Variants in RIMS1 observed in about 807,000 individuals in gnomAD.
RIMS1 encodes the protein regulating synaptic membrane exocytosis 1.
Under a neutral mutation model 214.1 loss-of-function variants are expected in RIMS1, and 83 were observed. The ratio of observed to expected loss-of-function variants is 0.39; its 90% confidence interval spans 0.32 to 0.47. The LOEUF (loss-of-function observed/expected upper bound fraction) is 0.47, where lower values mean the gene tolerates loss of function less well. RIMS1 is among the 20% of genes least tolerant of loss of function. The pLI, the probability that RIMS1 is intolerant of heterozygous loss-of-function variation, is 0.99. For missense variants in RIMS1, 2,050 were observed against 2,161.8 expected (o/e 0.95, Z 1.03); for synonymous variants, 793 against 786.8 (o/e 1.01, Z -0.13).
chr6:71,911,648 C>G (rs1380518948), intron 1 of RIMS1, among the ~76,000 whole-genome samples: 2 of 152,100 alleles, frequency 1.3e-5, no homozygotes, highest in Non-Finnish European at 2.9e-5. Flanking sequence ...TACTGTTGTT[C>G]TCACAAAATC....
chr6:72,007,225 G>C (rs1488422451), intron 2 of RIMS1, among the ~76,000 whole-genome samples: 1 of 152,190 alleles, frequency 6.6e-6, no homozygotes, highest in African/African-American at 2.4e-5. Context: ...GTCTGGAGTG[G>C]ACCTCCAGCA....
rs976347720 is a variant in RIMS1 at position 72,155,838 on chromosome 6, A to G, written c.472-23737A>G. Among the ~76,000 whole-genome samples, 34 of 140,662 alleles carry G rather than the reference A, an allele frequency of 2.4e-4. 10 individuals are homozygous for G. Among genetic ancestry groups the G allele is most frequent in the Non-Finnish European group, 6.5e-5 (4 of 61,872 alleles). The allele number at this position is 140,662 out of a possible 152,430, so 92.3% of individuals were successfully genotyped here. ...CAAGATGAGATGTGGGTGGGGACAC[A>G]GAGCCAAACCATATCACTGGCCCGT... is the stretch of plus-strand genomic sequence containing the variant. On this transcript the variant is annotated intron_variant, in intron 4 of 33. Coordinates refer to ENST00000521978, the MANE Select transcript of RIMS1 (RefSeq NM_014989.7).
At chr6:71,949,343 T>C (rs1244814353) in intron 1 of RIMS1, among the ~76,000 whole-genome samples, 1 of 152,092 alleles carries the variant, frequency 6.6e-6, no homozygotes, top group Non-Finnish European at 1.5e-5. Flanking sequence ...CTCTTCTTTC[T>C]CCAACAATGG....
chr6:72,311,688 A>G (rs2154292908), intron 27 of RIMS1, among the ~76,000 whole-genome samples: 1 of 152,310 alleles, frequency 6.6e-6, no homozygotes, highest in East Asian at 1.9e-4. Flanking sequence ...TCTTTTATCA[A>G]CACATACACA....
chr6:72,160,580 G>A lies in RIMS1; in HGVS notation c.472-18995G>A, dbSNP rs1441866605. On this transcript the variant is annotated intron_variant, in intron 4 of 33. Transcript: ENST00000521978. ...CCCATCAATACCTAATTTATTGAGA[G>A]TTTTTAGCATGAAGGGCTGTTGAAT... Among the ~76,000 whole-genome samples the A allele has an allele frequency of 2.9e-5, 4 of 140,216 alleles. 1 individual carries two copies. The highest frequency in any genetic ancestry group is 4.9e-5 in the African/African-American group (2 of 40,544). The allele number at this position is 140,216 out of a possible 152,430, so 92.0% of individuals were successfully genotyped here. A position where few individuals can be genotyped will look rare whatever the true frequency, so the allele number is the denominator to read the frequency against.
intron 29 of RIMS1, among the ~76,000 whole-genome samples, chr6:72,336,763 GAT>G (rs2154347276): frequency 6.6e-6 from 1 of 151,824 alleles, no homozygotes; most frequent in Non-Finnish European, 1.5e-5. Context: ...GACAAATGTT[GAT>G]AACCCTCAAT....
intron 4 of RIMS1, among the ~76,000 whole-genome samples, chr6:72,165,928 T>C (rs2046191610): frequency 6.6e-6 from 1 of 152,198 alleles, no homozygotes; most frequent in South Asian, 2.1e-4. Context: ...TACTGAGTTT[T>C]TCAGTCATTA....
At chr6:72,209,900 C>CAAAAAA (rs200401100) in intron 6 of RIMS1, among the ~76,000 whole-genome samples, 1 of 115,826 alleles carries the variant, frequency 8.6e-6, no homozygotes. Flanking sequence ...GACTCTGTCT[C>CAAAAAA]AAAAAAAAAA....
At chr6:72,033,321 T>A (rs1818678552) in intron 2 of RIMS1, among the ~76,000 whole-genome samples, 1 of 152,242 alleles carries the variant, frequency 6.6e-6, no homozygotes, top group Non-Finnish European at 1.5e-5. Context: ...CATCTTGCCC[T>A]TATTCCACCA....
chr6:72,383,242 T>C (rs900831398), intron 29 of RIMS1, among the ~76,000 whole-genome samples: 2 of 152,202 alleles, frequency 1.3e-5, no homozygotes, highest in Admixed American at 6.5e-5. Context: ...ACAGCACTTA[T>C]ACCACATCAC....
intron 3 of RIMS1, 117 bp from the exon 4 acceptor site, chr6:72,099,858 C>G: frequency 1.3e-6 from 1 of 763,084 alleles, no homozygotes; most frequent in Non-Finnish European, 2.2e-6. Flanking sequence ...TGCTTTAATA[C>G]TTTGAAGAAA....
At chr6:72,262,524 T>A in intron 19 of RIMS1, 2 of 985,304 alleles carry the variant, frequency 2.0e-6, no homozygotes, top group Non-Finnish European at 2.4e-6. Context: ...TTCTCCTTCC[T>A]GTCTTTCATT....
At chr6:72,218,876 T>C (rs2496542) in intron 6 of RIMS1, among the ~76,000 whole-genome samples, 99,694 of 152,102 alleles carry the variant, frequency 0.66, 33,181 homozygotes, top group East Asian at 0.98. Context: ...AAAGTGATTA[T>C]GAATTCCATA....
At chr6:72,094,068 G>A (rs114493332) in intron 2 of RIMS1, among the ~76,000 whole-genome samples, 2,311 of 152,220 alleles carry the variant, frequency 0.015, 62 homozygotes, top group African/African-American at 0.051. Context: ...TTGTGAAGTA[G>A]GATGTATTAG....
At chr6:72,202,618 A>G (rs1468018454) in intron 6 of RIMS1, among the ~76,000 whole-genome samples, 1 of 152,194 alleles carries the variant, frequency 6.6e-6, no homozygotes, top group Non-Finnish European at 1.5e-5. Context: ...GATAATATTC[A>G]TAGGAGGAAA....
chr6:72,117,346 A>G (rs1369974038), intron 4 of RIMS1, among the ~76,000 whole-genome samples: 1 of 151,994 alleles, frequency 6.6e-6, no homozygotes, highest in African/African-American at 2.4e-5. Context: ...GTGGAACAAA[A>G]GAAGCAGTAA....
At chr6:72,294,471 A>G (rs1023399253) in intron 26 of RIMS1, among the ~76,000 whole-genome samples, 1 of 151,768 alleles carries the variant, frequency 6.6e-6, no homozygotes, top group Admixed American at 6.6e-5. Context: ...AAATAATTTG[A>G]TAAGCAGCTG....
chr6:72,215,402 ACTCCTAACTACTAT>A (rs2055432397), intron 6 of RIMS1, among the ~76,000 whole-genome samples: 1 of 152,160 alleles, frequency 6.6e-6, no homozygotes, highest in Non-Finnish European at 1.5e-5. Context: ...AATTGCAGTA[ACTCCTAACTACTAT>A]GGTGTAGTGA....
In RIMS1 at chr6:72,330,373, A is replaced by C. The variant is rs79861985; in HGVS notation, c.4131-3227A>C. On this transcript the variant is annotated intron_variant, in intron 28 of 33. Coordinates refer to ENST00000521978, the MANE Select transcript of RIMS1 (RefSeq NM_014989.7). ...GAGATTTTTCAGCAAAAAGTCTACA[A>C]GAAGGGGGGGATCAAAAGGAAAGGG... is the stretch of plus-strand genomic sequence containing the variant. Among the ~76,000 whole-genome samples the C allele has an allele frequency of 5.2e-3, 790 of 151,954 alleles. 5 individuals carry two copies. Among genetic ancestry groups the C allele is most frequent in the African/African-American group, 0.018 (728 of 41,530 alleles).
Sources: gnomAD v4.1 joint callset for allele counts (sites outside exome capture counted in the v4.1 genomes callset) on GRCh38, gnomAD v4.1.1 for gene constraint, MANE v1.5 for transcripts, NCBI Gene and HGNC (gene_info 2026-07-23, HGNC 2026-07-21) for gene names.